PPP2R3C: variants seen among roughly 807,000 people sequenced by gnomAD.
PPP2R3C encodes protein phosphatase 2 regulatory subunit B''gamma.
A neutral mutation model predicts 63.7 loss-of-function variants in PPP2R3C; 47 were observed. The observed-to-expected ratio is 0.74, with a 90% CI of 0.58 to 0.94. The LOEUF (loss-of-function observed/expected upper bound fraction) is 0.94. Ranked by LOEUF, PPP2R3C falls within the 40% of genes least tolerant of loss-of-function variation. PPP2R3C has a pLI of 0.00. For missense variants in PPP2R3C, 421 were observed against 518.4 expected (o/e 0.81, Z 1.82); for synonymous variants, 180 against 177.4 (o/e 1.01, Z -0.12).
chr14:35,100,902 A>G (rs1025630196), intron 6 of PPP2R3C: 2 of 152,184 alleles, frequency 1.3e-5, no homozygotes, highest in African/African-American at 4.8e-5. Flanking sequence ...CAGTGTTGGA[A>G]TTACAGGTGT....
Position 35,096,624 on chromosome 14 carries a change from C to T in PPP2R3C, c.772G>A (p.Glu258Lys). 12 of 1,613,580 alleles carry T rather than the reference C, an allele frequency of 7.4e-6. No homozygotes were observed. Among genetic ancestry groups the T allele is most frequent in the Non-Finnish European group, 9.3e-6 (11 of 1,179,766 alleles). The change falls in exon 9 of 13, where the codon GAG becomes AAG. Residue 258 changes from glutamate (E) to lysine (K), a missense_variant. Glu to Lys is a moderately conservative substitution (Grantham distance 56). This residue lies in a region of PPP2R3C where 231 missense variants were observed against 264.8 expected (regional missense o/e 0.87). Transcript: ENST00000261475. ...FLDDLLELRDEELSKESQETN... is the reference protein window; with the variant it reads ...FLDDLLELRDKELSKESQETN... ...TCTTGACTCTCCTTGGACAGTTCCT[C>T]ATCCCTTAGCTAATGGAACACAAAG...
chr14:35,095,680 A>C (rs55775137), intron 9 of PPP2R3C, among the ~76,000 whole-genome samples: 2,854 of 148,642 alleles, frequency 0.019, 54 homozygotes, highest in Non-Finnish European at 0.027. Flanking sequence ...CTACTAAAAA[A>C]AAAAACAAAA....
intron 2 of PPP2R3C, among the ~76,000 whole-genome samples, chr14:35,112,214 G>T (rs2046584017): frequency 6.6e-6 from 1 of 152,194 alleles, no homozygotes; most frequent in African/African-American, 2.4e-5. Flanking sequence ...TCCATGAGCA[G>T]AGCTTTAGAA....
At chr14:35,091,229 T>G (rs956701261) in intron 10 of PPP2R3C, 22 bp from the exon 11 acceptor site, 1 of 1,573,256 alleles carries the variant, frequency 6.4e-7, no homozygotes. Flanking sequence ...AAAATAATGT[T>G]CATTAGAGGC....
intron 1 of PPP2R3C, among the ~76,000 whole-genome samples, chr14:35,120,545 G>A (rs1447885187): frequency 1.3e-5 from 2 of 152,278 alleles, no homozygotes; most frequent in Admixed American, 6.5e-5. Context: ...GCGCCCGGCC[G>A]ACTGCTTCTC....
intron 1 of PPP2R3C, among the ~76,000 whole-genome samples, chr14:35,119,185 G>A (rs1484653608): frequency 6.6e-6 from 1 of 151,884 alleles, no homozygotes; most frequent in Non-Finnish European, 1.5e-5. Context: ...TTACAGGTGT[G>A]CACCACTGCG....
intron 11 of PPP2R3C, among the ~76,000 whole-genome samples, chr14:35,089,360 T>C (rs2045714388): frequency 6.6e-6 from 1 of 151,938 alleles, no homozygotes; most frequent in Non-Finnish European, 1.5e-5. Context: ...TTCCCTGGCC[T>C]CCCAACGTGC....
intron 2 of PPP2R3C, among the ~76,000 whole-genome samples, chr14:35,112,268 CT>C (rs2046585960): frequency 6.6e-6 from 1 of 152,110 alleles, no homozygotes; most frequent in African/African-American, 2.4e-5. Flanking sequence ...TTTATTTCTT[CT>C]TTTTTAAATT....
rs1207264730 is a variant in PPP2R3C, at chr14:35,096,770, A to G, written c.707-6T>C. ...ATCTTGAATTTTTATCTTTCCTTTAAGAACATAAAGAAACACAATTAATTT... is the reference window on the plus strand; with the variant it reads ...ATCTTGAATTTTTATCTTTCCTTTAGGAACATAAAGAAACACAATTAATTT... On this transcript the variant is annotated splice_polypyrimidine_tract_variant and splice_region_variant and intron_variant, in intron 7 of 12. Coordinates refer to ENST00000261475, the MANE Select transcript of PPP2R3C (RefSeq NM_017917.4). 48 of 1,563,412 alleles carry G rather than the reference A, an allele frequency of 3.1e-5. No homozygotes were observed. Among genetic ancestry groups the G allele is most frequent in the Non-Finnish European group, 4.1e-5 (48 of 1,157,590 alleles).
At chr14:35,090,711 ATTTTTTTTTT>A (rs35890780) in intron 11 of PPP2R3C, among the ~76,000 whole-genome samples, 1 of 110,352 alleles carries the variant, frequency 9.1e-6, no homozygotes, top group Non-Finnish European at 1.8e-5. Flanking sequence ...GCATCTCACA[ATTTTTTTTTT>A]TTTTTTTTTT....
intron 11 of PPP2R3C, among the ~76,000 whole-genome samples, chr14:35,089,814 C>T (rs889615704): frequency 1.9e-4 from 29 of 150,396 alleles, no homozygotes; most frequent in East Asian, 1.2e-3. Context: ...TATAGGCGCC[C>T]GCCACCACGC....
intron 2 of PPP2R3C, among the ~76,000 whole-genome samples, chr14:35,115,589 T>A (rs1252063496): frequency 6.6e-6 from 1 of 151,924 alleles, no homozygotes; most frequent in Non-Finnish European, 1.5e-5. Flanking sequence ...TTCAGAGTTT[T>A]GGCACAAGGA....
chr14:35,109,056 A>C (rs1303804394), intron 4 of PPP2R3C, among the ~76,000 whole-genome samples: 1 of 150,652 alleles, frequency 6.6e-6, no homozygotes, highest in Non-Finnish European at 1.5e-5. Flanking sequence ...CATAAACTAT[A>C]TTATTTCTTT....
chr14:35,109,662 C>T (rs1309441410), intron 4 of PPP2R3C, among the ~76,000 whole-genome samples, 157 bp downstream of exon 4: 3 of 151,748 alleles, frequency 2.0e-5, no homozygotes, highest in Admixed American at 6.6e-5. Context: ...CCCTAAGTTG[C>T]CCAGGCTGGC....
intron 1 of PPP2R3C, 45 bp downstream of exon 1, chr14:35,121,843 CCTACCTCTAGGAGT>C: frequency 6.3e-7 from 1 of 1,584,122 alleles, no homozygotes; most frequent in East Asian, 2.2e-5. Context: ...CCACCTCCCC[CCTACCTCTAGGAGT>C]TTAGGGCCGG....
At chr14:35,107,546 C>T (rs1034589040) in intron 5 of PPP2R3C, 172 bp from the exon 6 acceptor site, 1 of 577,078 alleles carries the variant, frequency 1.7e-6, no homozygotes, top group Non-Finnish European at 3.1e-6. Flanking sequence ...TTCAACAATT[C>T]TACCATGACT....
upstream of PPP2R3C, chr14:35,122,104 A>C: frequency 1.3e-6 from 1 of 748,506 alleles, no homozygotes. Context: ...AGTCTTGGCT[A>C]AAGAGGCAAA....
At chr14:35,095,681 A>C (rs11622699) in intron 9 of PPP2R3C, among the ~76,000 whole-genome samples, 39,972 of 150,078 alleles carry the variant, frequency 0.27, 6,501 homozygotes, top group Non-Finnish European at 0.38. Flanking sequence ...TACTAAAAAA[A>C]AAAACAAAAA....
At chr14:35,093,038 G>A (rs1279760509) in intron 10 of PPP2R3C, among the ~76,000 whole-genome samples, 7 of 150,504 alleles carry the variant, frequency 4.7e-5, no homozygotes, top group South Asian at 2.1e-4. Flanking sequence ...GTGAAACTCC[G>A]TCTCTACTAA....
Sources: gnomAD v4.1 joint callset for allele counts (sites outside exome capture counted in the v4.1 genomes callset) on GRCh38, gnomAD v4.1.1 for gene constraint, gnomAD v4.1.1 regional missense constraint, MANE v1.5 for transcripts, NCBI Gene and HGNC (gene_info 2026-07-23, HGNC 2026-07-21) for gene names.